The following PNLIP variants were observed in gnomAD, a reference collection of about 807,000 sequenced individuals.
PNLIP encodes pancreatic lipase, also known as pancreatic triacylglycerol lipase.
PNLIP carries 49 observed loss-of-function variants against 57.1 expected under a neutral mutation model. The observed-to-expected ratio is 0.86, with a 90% CI of 0.68 to 1.09. The LOEUF (loss-of-function observed/expected upper bound fraction) is 1.09. Ranked by LOEUF, PNLIP falls within the 50% of genes least tolerant of loss-of-function variation. The probability of loss-of-function intolerance (pLI) is 0.00; values close to 1 mark genes in which losing one functional copy is unlikely to be tolerated. For missense variants in PNLIP, 503 were observed against 570.2 expected, an observed-to-expected ratio of 0.88 and a Z score of 1.20; for synonymous variants, 209 against 200.4, an observed-to-expected ratio of 1.04 and a Z score of -0.36.
rs1172367634 is a variant in PNLIP, at chr10:116,545,936, T to A, written c.-23T>A. On this transcript the variant is annotated 5_prime_UTR_variant, in exon 1 of 13. Transcript: ENST00000369221. ...GTTTTTGTTGCTATCTGGTTGCGTG[T>A]GGAACCTGACGGAACTGCCACGGTG... 1 of 604,202 alleles carries A rather than the reference T, an allele frequency of 1.7e-6. No individual in the cohort carries two copies. The highest frequency in any genetic ancestry group is 3.0e-6 in the Non-Finnish European group (1 of 335,640). 37.4% of individuals were successfully genotyped at this position (604,202 alleles called of 1,614,324 possible).
At chr10:116,550,580 T>A (rs1847180681) in intron 4 of PNLIP, among the ~76,000 whole-genome samples, 1 of 152,232 alleles carries the variant, frequency 6.6e-6, no homozygotes, top group Non-Finnish European at 1.5e-5. Context: ...AGTCTTTCTA[T>A]TGTGGAAAAA....
rs1847244053 is a variant in PNLIP at position 116,555,509 on chromosome 10, T to TAGA, written c.811+4_811+6dup. ...TGGACATAGACGGAATCTGGGAAGGTAGAACTATTATGTGTAGAAAGAGAT... is the reference window on the plus strand; with the variant it reads ...TGGACATAGACGGAATCTGGGAAGGTAGAAGAACTATTATGTGTAGAAAGAGAT... On this transcript the variant is annotated splice_region_variant and intron_variant, in intron 8 of 12. Transcript: ENST00000369221. 1.2e-6 allele frequency: 2 copies of TAGA among 1,613,614 alleles called. No homozygotes were observed.
rs1315490378 is a variant in PNLIP at position 116,551,094 on chromosome 10, C to T, written c.325-4C>T. On this transcript the variant is annotated splice_polypyrimidine_tract_variant and splice_region_variant and intron_variant, in intron 4 of 12. Transcript: ENST00000369221. Reference sequence around the variant, plus strand: ...TTATCTGTTTATTGTGCCCCTTCCACCAGAATCTGTTCAAGGTGGAAAGTG... The same window carrying T: ...TTATCTGTTTATTGTGCCCCTTCCATCAGAATCTGTTCAAGGTGGAAAGTG... 1.9e-6 allele frequency: 3 copies of T among 1,575,096 alleles called. No individual in the cohort carries two copies. The highest frequency in any genetic ancestry group is 2.4e-5 in the South Asian group (2 of 84,214).
Position 116,560,525 on chromosome 10 carries a change from G to T in PNLIP, c.1169+1G>T, listed in dbSNP as rs780709786. ...ACTCTAAGCAGTATGAAATTTTCAA[G>T]TGAGTAAAATAATATTGCTCTATGC... On this transcript the variant is annotated splice_donor_variant, in intron 11 of 12. Coordinates refer to ENST00000369221, the MANE Select transcript of PNLIP (RefSeq NM_000936.4). LOFTEE classifies it high-confidence loss of function. The T allele has an allele frequency of 5.8e-6, 7 of 1,205,702 alleles. No individual in the cohort carries two copies. The highest frequency in any genetic ancestry group is 8.4e-6 in the Non-Finnish European group (7 of 830,412). 74.7% of individuals were successfully genotyped at this position (1,205,702 alleles called of 1,614,324 possible).
At position 116,554,827 on chromosome 10, in the gene PNLIP, T is replaced by A. The variant is rs1489021394; in HGVS notation, c.572-351T>A. On this transcript the variant is annotated intron_variant, in intron 6 of 12. Coordinates refer to ENST00000369221, the MANE Select transcript of PNLIP (RefSeq NM_000936.4). ...GTGCAGTGAATGCCTGTGGTCTCAG[T>A]GACGTTTGTGAAAGCCAAGGTCCTT... Among the ~76,000 whole-genome samples the A allele has an allele frequency of 2.6e-5, 4 of 152,316 alleles. No homozygotes were observed. In the South Asian group the frequency reaches 8.3e-4, roughly 32 times the overall value.
In PNLIP at chr10:116,546,104, T is replaced by C. The variant is rs369677946; in HGVS notation, c.12T>C (p.Leu4=). The C allele has an allele frequency of 1.2e-6, 2 of 1,613,720 alleles. No individual in the cohort carries two copies. Among genetic ancestry groups the C allele is most frequent in the Non-Finnish European group, 1.7e-6 (2 of 1,179,774 alleles). The part of the protein sequence containing the change: MLP[L]WTLSLLLGAV... ...TTAATTTCGTGTAGATGCTGCCACT[T>C]TGGACTCTTTCACTGCTGCTGGGAG... is the stretch of plus-strand genomic sequence containing the variant. The change falls in exon 2 of 13, where the codon CTT becomes CTC. Residue 4 remains leucine (L), a synonymous_variant. Coordinates refer to ENST00000369221, the MANE Select transcript of PNLIP (RefSeq NM_000936.4).
intron 12 of PNLIP, among the ~76,000 whole-genome samples, chr10:116,566,215 A>C (rs1370079925): frequency 1.3e-5 from 2 of 152,248 alleles, no homozygotes; most frequent in Admixed American, 1.3e-4. Flanking sequence ...ATACAATGGA[A>C]TATTACTCAG....
In PNLIP at chr10:116,548,499, T is replaced by C; in HGVS notation, c.324+17T>C. 6.2e-7 allele frequency: 1 copy of C among 1,610,434 alleles called. No individual in the cohort carries two copies. Among genetic ancestry groups the C allele is most frequent in the Non-Finnish European group, 8.5e-7 (1 of 1,178,392 alleles). ...GTGTGCAAGGTGAGATGTGGTCATC[T>C]CTCAAGGAAAGATCGTTTCCAAAGT... On this transcript the variant is annotated intron_variant, in intron 4 of 12. Transcript: ENST00000369221.
intron 5 of PNLIP, among the ~76,000 whole-genome samples, chr10:116,552,785 C>T (rs1174141457): frequency 1.3e-5 from 2 of 152,000 alleles, no homozygotes; most frequent in African/African-American, 4.8e-5. Flanking sequence ...ACTCGGGAGG[C>T]TGAGGCAGGA....
intron 2 of PNLIP, 34 bp downstream of exon 2, chr10:116,546,172 A>C: frequency 6.3e-7 from 1 of 1,596,310 alleles, no homozygotes; most frequent in South Asian, 1.1e-5. Context: ...GCTGGGAGAG[A>C]TTCACTTTTC....
chr10:116,567,027 C>T (rs79310915), intron 12 of PNLIP, among the ~76,000 whole-genome samples: 12,482 of 147,478 alleles, frequency 0.085, 616 homozygotes, highest in African/African-American at 0.12. Flanking sequence ...TCCCTTCCTC[C>T]CTCCCTCTGT....
At chr10:116,557,376 C>T (rs1384950015) in intron 9 of PNLIP, among the ~76,000 whole-genome samples, 1 of 152,206 alleles carries the variant, frequency 6.6e-6, no homozygotes, top group East Asian at 1.9e-4. Flanking sequence ...CTAAGCTTCT[C>T]TCCAAGTGAG....
At chr10:116,561,986 G>A (rs891426309) in intron 12 of PNLIP, among the ~76,000 whole-genome samples, 6 of 152,198 alleles carry the variant, frequency 3.9e-5, no homozygotes, top group East Asian at 1.9e-4. Context: ...CCTAATTGCT[G>A]TTTAAGTTGC....
At chr10:116,559,007 C>A in intron 9 of PNLIP, 147 bp from the exon 10 acceptor site, 1 of 852,904 alleles carries the variant, frequency 1.2e-6, no homozygotes, top group Non-Finnish European at 1.7e-6. Flanking sequence ...CATTGTTAAT[C>A]TTTGCTGCTG....
chr10:116,553,124 C>T (rs1847212841), intron 5 of PNLIP, among the ~76,000 whole-genome samples: 1 of 151,998 alleles, frequency 6.6e-6, no homozygotes, highest in South Asian at 2.1e-4. Flanking sequence ...TATTTTTTTT[C>T]AGACAGAGTC....
intron 5 of PNLIP, among the ~76,000 whole-genome samples, chr10:116,552,294 CAGA>C (rs1392693615): frequency 2.6e-5 from 4 of 151,962 alleles, no homozygotes; most frequent in African/African-American, 9.7e-5. Flanking sequence ...GGAAGTATTC[CAGA>C]AGAAGACATG....
At position 116,563,733 on chromosome 10, in the gene PNLIP, A is replaced by G. The variant is rs546836172; in HGVS notation, c.1334+2097A>G. Among the ~76,000 whole-genome samples the G allele has an allele frequency of 2.0e-5, 3 of 152,280 alleles. No homozygotes were observed. The South Asian group carries it at 6.2e-4, about 32-fold the overall frequency. On this transcript the variant is annotated intron_variant, in intron 12 of 12. Coordinates refer to ENST00000369221, the MANE Select transcript of PNLIP (RefSeq NM_000936.4). ...TCAACCTATATAGAAAAAGACCCAC[A>G]CTGAGTTTCTAGAGATGAAAAATAC... is the stretch of plus-strand genomic sequence containing the variant.
At chr10:116,547,204 AC>A in intron 2 of PNLIP, 89 bp from the exon 3 acceptor site, 1 of 1,258,044 alleles carries the variant, frequency 7.9e-7, no homozygotes, top group South Asian at 1.2e-5. Flanking sequence ...AGGAAAGTCT[AC>A]CACACAGTGT....
rs372183795 is a variant in PNLIP at position 116,561,384 on chromosome 10, T to G, written c.1170-88T>G. 3.9e-5 allele frequency: 37 copies of G among 937,360 alleles called. 1 individual carries two copies. The South Asian group carries it at 6.9e-4, about 18-fold the overall frequency. The allele number at this position is 937,360 out of a possible 1,614,324, so 58.1% of individuals were successfully genotyped here. The stretch of plus-strand genomic sequence containing the variant: ...TTAGAAACATAAATGTGTATGTATA[T>G]ATGTACACACTTACATACACACAAA... On this transcript the variant is annotated intron_variant, in intron 11 of 12. Coordinates refer to ENST00000369221, the MANE Select transcript of PNLIP (RefSeq NM_000936.4).
Sources: gnomAD v4.1 joint callset for allele counts (sites outside exome capture counted in the v4.1 genomes callset) on GRCh38, gnomAD v4.1.1 for gene constraint, MANE v1.5 for transcripts, NCBI Gene and HGNC (gene_info 2026-07-23, HGNC 2026-07-21) for gene names.